Variants in TEAD1 observed in about 807,000 individuals in gnomAD.
The protein encoded by TEAD1 is transcriptional enhancer factor TEF-1.
In TEAD1, 9 loss-of-function variants were observed where a neutral mutation model predicts 54.9. The observed-to-expected ratio is 0.16, with a 90% CI of 0.10 to 0.29. The LOEUF (loss-of-function observed/expected upper bound fraction) is 0.29, where lower values mean the gene tolerates loss of function less well. TEAD1 is among the 10% of genes least tolerant of loss of function. The pLI, the probability that TEAD1 is intolerant of heterozygous loss-of-function variation, is 1.00. For missense variants in TEAD1, 387 were observed against 535.9 expected (o/e 0.72, Z 2.74); for synonymous variants, 200 against 187.8 (o/e 1.07, Z -0.53).
rs565412273 is a variant in TEAD1 at position 12,877,740 on chromosome 11, C to G, written c.331-1968C>G. 4.0e-5 allele frequency among the ~76,000 whole-genome samples: 6 copies of G among 149,962 alleles called. No individual in the cohort carries two copies. The South Asian group carries it at 1.3e-3, about 32-fold the overall frequency. ...CCTCCCCTCCCTTTCCTTTTTTCCTCCCTTCCTCCTTCCCCTTTTCTCCCT... is the reference window on the plus strand; with the variant it reads ...CCTCCCCTCCCTTTCCTTTTTTCCTGCCTTCCTCCTTCCCCTTTTCTCCCT... On this transcript the variant is annotated intron_variant, in intron 5 of 12. Transcript: ENST00000527636.
chr11:12,827,528 A>C (rs755162105), intron 3 of TEAD1, among the ~76,000 whole-genome samples: 1 of 152,196 alleles, frequency 6.6e-6, no homozygotes, highest in African/African-American at 2.4e-5. Context: ...CAGATAAGTT[A>C]ATGACTTGCT....
At chr11:12,885,418 T>C (rs1359053602) in intron 9 of TEAD1, among the ~76,000 whole-genome samples, 1 of 151,984 alleles carries the variant, frequency 6.6e-6, no homozygotes, top group South Asian at 2.1e-4. Context: ...TTTGTATTTT[T>C]AGTAGAGACG....
At chr11:12,886,492 C>T (rs1444954476) in intron 9 of TEAD1, among the ~76,000 whole-genome samples, 2 of 152,164 alleles carry the variant, frequency 1.3e-5, no homozygotes, top group East Asian at 1.9e-4. Context: ...ACCTACTACA[C>T]GCCAGCCACT....
chr11:12,807,644 G>C (rs1422885445), intron 3 of TEAD1, among the ~76,000 whole-genome samples: 1 of 152,234 alleles, frequency 6.6e-6, no homozygotes, highest in African/African-American at 2.4e-5. Flanking sequence ...GCTCACTTGT[G>C]TAAGGAAGGC....
intron 11 of TEAD1, among the ~76,000 whole-genome samples, chr11:12,929,732 G>A (rs549298029): frequency 1.2e-4 from 19 of 152,098 alleles, no homozygotes; most frequent in South Asian, 2.1e-4. Context: ...CTCATGATCC[G>A]TGAGAAATAA....
intron 3 of TEAD1, among the ~76,000 whole-genome samples, chr11:12,853,144 T>A (rs970149820): frequency 6.6e-6 from 1 of 152,150 alleles, no homozygotes; most frequent in Non-Finnish European, 1.5e-5. Context: ...TGAGGTTTCT[T>A]GGAGGGGACA....
intron 3 of TEAD1, among the ~76,000 whole-genome samples, chr11:12,812,440 C>T (rs1256176393): frequency 6.6e-6 from 1 of 152,122 alleles, no homozygotes; most frequent in Non-Finnish European, 1.5e-5. Context: ...AAACACTGAA[C>T]ATGTTTGTCC....
At chr11:12,892,663 A>G (rs2134115015) in intron 9 of TEAD1, among the ~76,000 whole-genome samples, 1 of 152,270 alleles carries the variant, frequency 6.6e-6, no homozygotes, top group South Asian at 2.1e-4. Flanking sequence ...ATAAACAAAA[A>G]TAAAAAAGAA....
chr11:12,913,109 G>C (rs896851349), intron 10 of TEAD1, among the ~76,000 whole-genome samples: 7 of 152,126 alleles, frequency 4.6e-5, no homozygotes, highest in African/African-American at 1.7e-4. Context: ...CATATTTTCA[G>C]ACCCAGTTTT....
intron 2 of TEAD1, among the ~76,000 whole-genome samples, chr11:12,718,518 A>G (rs1380007029): frequency 6.6e-6 from 1 of 151,866 alleles, no homozygotes; most frequent in Non-Finnish European, 1.5e-5. Flanking sequence ...CTGTGGGGCA[A>G]GGGTTTTGAA....
intron 9 of TEAD1, among the ~76,000 whole-genome samples, chr11:12,892,727 C>T (rs1948223266): frequency 6.6e-6 from 1 of 152,174 alleles, no homozygotes; most frequent in Non-Finnish European, 1.5e-5. Flanking sequence ...TTGCCTTTAT[C>T]CTGGGCAGGA....
chr11:12,905,396 G>T (rs1226891380), intron 10 of TEAD1, among the ~76,000 whole-genome samples: 2 of 152,140 alleles, frequency 1.3e-5, no homozygotes, highest in Non-Finnish European at 2.9e-5. Flanking sequence ...AAGATTTGCA[G>T]AATTAAAATG....
Position 12,924,854 on chromosome 11 carries a change from C to T in TEAD1, c.874-58C>T, listed in dbSNP as rs555207092. The T allele has an allele frequency of 6.6e-4, 1,062 of 1,607,410 alleles. 2 individuals carry two copies. Among genetic ancestry groups the T allele is most frequent in the Non-Finnish European group, 8.0e-4 (937 of 1,174,168 alleles). The stretch of plus-strand genomic sequence containing the variant: ...AGGTCTTACCCTGAAAGTTACTGCT[C>T]GGTGCCATGACTCCTGGGATGAGAG... On this transcript the variant is annotated intron_variant, in intron 10 of 12. Transcript: ENST00000527636.
chr11:12,857,966 G>A (rs968781372), intron 3 of TEAD1, among the ~76,000 whole-genome samples: 3 of 152,154 alleles, frequency 2.0e-5, no homozygotes, highest in Non-Finnish European at 4.4e-5. Context: ...CAGGCCTGTA[G>A]TCCCATGAGC....
chr11:12,866,089 C>G (rs1161411870), intron 5 of TEAD1, among the ~76,000 whole-genome samples: 2 of 152,194 alleles, frequency 1.3e-5, no homozygotes, highest in Non-Finnish European at 2.9e-5. Flanking sequence ...TGCTGGCTCG[C>G]TCGCACGTGT....
intron 5 of TEAD1, among the ~76,000 whole-genome samples, chr11:12,867,863 A>C (rs562043380): frequency 6.6e-6 from 1 of 152,196 alleles, no homozygotes; most frequent in African/African-American, 2.4e-5. Context: ...GAAGTATCCA[A>C]GCTTAAAAGA....
intron 2 of TEAD1, among the ~76,000 whole-genome samples, chr11:12,694,951 C>T (rs560939016): frequency 6.6e-6 from 1 of 152,304 alleles, no homozygotes; most frequent in Admixed American, 6.5e-5. Flanking sequence ...TTGATGCTAC[C>T]TTTTAAATTG....
intron 2 of TEAD1, among the ~76,000 whole-genome samples, chr11:12,719,032 C>T (rs1291624363): frequency 7.9e-5 from 12 of 151,328 alleles, no homozygotes; most frequent in Non-Finnish European, 1.5e-4. Flanking sequence ...GTCTTCTGAA[C>T]AACGCGTTTT....
At chr11:12,864,643 T>G in intron 4 of TEAD1, 195 bp from the exon 5 acceptor site, 1 of 1,352,026 alleles carries the variant, frequency 7.4e-7, no homozygotes, top group Non-Finnish European at 9.7e-7. Flanking sequence ...TTTTGTTTTG[T>G]TTTGTTTTGT....
Sources: allele counts gnomAD v4.1 joint callset (sites outside exome capture counted in the v4.1 genomes callset), GRCh38; gene constraint gnomAD v4.1.1; transcripts MANE v1.5; gene names NCBI Gene and HGNC (gene_info 2026-07-23, HGNC 2026-07-21).